PDS5A: variants seen among roughly 807,000 people sequenced by gnomAD.
PDS5A encodes the protein sister chromatid cohesion protein PDS5 homolog A.
Under a neutral mutation model 167.1 loss-of-function variants are expected in PDS5A, and 42 were observed. That is an observed-to-expected ratio of 0.25 (90% CI 0.20 to 0.33). The LOEUF is 0.33. PDS5A is among the 10% of genes least tolerant of loss of function. The pLI, the probability that PDS5A is intolerant of heterozygous loss-of-function variation, is 1.00. For missense variants in PDS5A, 1,033 were observed against 1,605.9 expected (o/e 0.64, Z 6.10); for synonymous variants, 553 against 554.6 (o/e 1.00, Z 0.04).
At chr4:39,923,860 T>C (rs1164851564) in intron 5 of PDS5A, among the ~76,000 whole-genome samples, 1 of 152,122 alleles carries the variant, frequency 6.6e-6, no homozygotes, top group Non-Finnish European at 1.5e-5. Flanking sequence ...CCCAAATGCA[T>C]AAGCCAACAT....
intron 2 of PDS5A, among the ~76,000 whole-genome samples, chr4:39,964,152 C>T (rs1436210434): frequency 6.6e-6 from 1 of 152,232 alleles, no homozygotes; most frequent in Admixed American, 6.5e-5. Flanking sequence ...GTAAAGGATA[C>T]TGGTAAAGTA....
chr4:39,863,372 G>A lies in PDS5A; in HGVS notation c.2730C>T (p.Thr910=). Residue 910 remains threonine (T), a synonymous_variant, in exon 24 of 33, where the codon ACC becomes ACT. Coordinates refer to ENST00000303538, the MANE Select transcript of PDS5A (RefSeq NM_001100399.2). The part of the protein sequence containing the change: ...AQEPCYHEII[T]PEQFQLCALV... ...GTGCACAGAGCTGAAACTGTTCTGG[G>A]GTAATAATTTCATGGTAACAAGGTT... The A allele has an allele frequency of 6.2e-7, 1 of 1,609,032 alleles. No individual in the cohort carries two copies. The highest frequency in any genetic ancestry group is 1.7e-4 in the Middle Eastern group (1 of 6,058).
chr4:39,904,216 T>A, intron 11 of PDS5A, 25 bp from the exon 12 acceptor site: 1 of 1,570,816 alleles, frequency 6.4e-7, no homozygotes, highest in African/African-American at 1.4e-5. Flanking sequence ...ATTTATTAGA[T>A]GAGCAAGATA....
At chr4:39,971,518 A>G in intron 2 of PDS5A, among the ~76,000 whole-genome samples, 1 of 152,086 alleles carries the variant, frequency 6.6e-6, no homozygotes, top group East Asian at 1.9e-4. Context: ...GCTATAGTGC[A>G]GTGGCATAAT....
chr4:39,884,133 T>C (rs993482724), intron 17 of PDS5A, among the ~76,000 whole-genome samples: 1 of 151,620 alleles, frequency 6.6e-6, no homozygotes, highest in Non-Finnish European at 1.5e-5. Flanking sequence ...TTCACCATGT[T>C]GGTCAGGCTA....
intron 3 of PDS5A, 136 bp from the exon 4 acceptor site, chr4:39,926,997 G>A (rs1328612458): frequency 5.8e-6 from 4 of 687,410 alleles, no homozygotes; most frequent in Non-Finnish European, 6.1e-6. Context: ...CTTGGGATTG[G>A]CCTAATCCAT....
Position 39,922,750 on chromosome 4 carries a change from TATA to T in PDS5A, c.528-5_528-3del. The stretch of plus-strand genomic sequence containing the variant: ...TGTACCTTCTTATTGTGGCTATTGC[TATA>T]AAAAAAAAAAAAAAAGAATAAGTAG... On this transcript the variant is annotated splice_polypyrimidine_tract_variant and splice_region_variant and intron_variant, in intron 5 of 32. Transcript: ENST00000303538. 7.9e-7 allele frequency: 1 copy of T among 1,273,334 alleles called. No homozygotes were observed. The highest frequency in any genetic ancestry group is 9.9e-7 in the Non-Finnish European group (1 of 1,009,406). The allele number at this position is 1,273,334 out of a possible 1,614,324, so 78.9% of individuals were successfully genotyped here. A position where few individuals can be genotyped will look rare whatever the true frequency, so the allele number is the denominator to read the frequency against.
At chr4:39,890,483 T>A in intron 16 of PDS5A, 119 bp from the exon 17 acceptor site, 1 of 586,220 alleles carries the variant, frequency 1.7e-6, no homozygotes, top group Non-Finnish European at 2.9e-6. Context: ...TTGTCTGCTC[T>A]AGACCCTGAC....
chr4:39,943,510 G>A (rs937652125), intron 2 of PDS5A, among the ~76,000 whole-genome samples: 4 of 151,398 alleles, frequency 2.6e-5, no homozygotes, highest in African/African-American at 4.9e-5. Flanking sequence ...CTGGCCAGGT[G>A]CAGTGACTCA....
At chr4:39,957,975 G>C (rs988988432) in intron 2 of PDS5A, among the ~76,000 whole-genome samples, 2 of 151,836 alleles carry the variant, frequency 1.3e-5, no homozygotes, top group Admixed American at 6.6e-5. Context: ...GACCAACACA[G>C]AGAAACCCTG....
At position 39,890,299 on chromosome 4, in the gene PDS5A, T is replaced by C; in HGVS notation, c.1836A>G (p.Lys612=). ...CAGGTGCGATTCTTTCCAACAGAAA[T>C]TTGACCATCTCTAGAAAAGGATTTG... ...QPTNPFLEMV[K]FLLERIAPVH... The change falls in exon 17 of 33, where the codon AAA becomes AAG. Residue 612 remains lysine, a synonymous_variant. Transcript: ENST00000303538. The C allele has an allele frequency of 6.3e-7, 1 of 1,585,068 alleles. No individual in the cohort carries two copies. Among genetic ancestry groups the C allele is most frequent in the Non-Finnish European group, 8.6e-7 (1 of 1,164,120 alleles).
At chr4:39,883,416 G>A (rs1044851411) in intron 17 of PDS5A, among the ~76,000 whole-genome samples, 1 of 152,140 alleles carries the variant, frequency 6.6e-6, no homozygotes, top group Non-Finnish European at 1.5e-5. Flanking sequence ...CCTGACCGCA[G>A]GTGATCCGCC....
chr4:39,902,203 C>T (rs369181245), intron 13 of PDS5A, 144 bp downstream of exon 13: 1 of 531,196 alleles, frequency 1.9e-6, no homozygotes, highest in Non-Finnish European at 3.4e-6. Flanking sequence ...TAAATCGTAA[C>T]ATTTTGTCTA....
At chr4:39,862,746 C>CA in intron 25 of PDS5A, 123 bp downstream of exon 25, 1 of 638,462 alleles carries the variant, frequency 1.6e-6, no homozygotes, top group Non-Finnish European at 2.7e-6. Context: ...ACAATGACAG[C>CA]ATTCTATAAA....
At chr4:39,850,057 G>A (rs565368602) in intron 26 of PDS5A, among the ~76,000 whole-genome samples, 2 of 152,122 alleles carry the variant, frequency 1.3e-5, no homozygotes, top group Admixed American at 1.3e-4. Context: ...CAGATCAAGA[G>A]GTCAGGAGAT....
At chr4:39,895,401 G>A (rs1479517228) in intron 16 of PDS5A, among the ~76,000 whole-genome samples, 1 of 151,586 alleles carries the variant, frequency 6.6e-6, no homozygotes, top group Non-Finnish European at 1.5e-5. Context: ...CTAAACACAG[G>A]GTAAAAATAT....
intron 2 of PDS5A, among the ~76,000 whole-genome samples, chr4:39,970,413 A>G (rs903561180): frequency 6.6e-5 from 10 of 151,200 alleles, no homozygotes; most frequent in African/African-American, 2.4e-4. Flanking sequence ...CGAAGCTTCA[A>G]AGCTTCACAA....
At chr4:39,842,938 T>TATATATATATATATATATATATAC (rs1349599395) in intron 30 of PDS5A, among the ~76,000 whole-genome samples, 1 of 133,088 alleles carries the variant, frequency 7.5e-6, no homozygotes, top group Non-Finnish European at 1.6e-5. Flanking sequence ...TATATATATA[T>TATATATATATATATATATATATAC]TTTAAGAGAC....
At chr4:39,837,635 A>G (rs1164926544) in intron 32 of PDS5A, 1 of 478,846 alleles carries the variant, frequency 2.1e-6, no homozygotes, top group African/African-American at 2.0e-5. Flanking sequence ...ACCATATCCT[A>G]AATAAAAATT....
Sources: gnomAD v4.1 joint callset for allele counts (sites outside exome capture counted in the v4.1 genomes callset) on GRCh38, gnomAD v4.1.1 for gene constraint, MANE v1.5 for transcripts, NCBI Gene and HGNC (gene_info 2026-07-23, HGNC 2026-07-21) for gene names.